The following HK1 variants were observed in gnomAD, a reference collection of about 807,000 sequenced individuals.
HK1 encodes the protein hexokinase-1.
In HK1, 28 loss-of-function variants were observed where a neutral mutation model predicts 91.6. The observed-to-expected ratio is 0.31, with a 90% CI of 0.23 to 0.42. The LOEUF is 0.42. HK1 is among the 10% of genes least tolerant of loss of function. The pLI is 1.00. For synonymous variants in HK1, 430 were observed against 468.1 expected (o/e 0.92, Z 1.05); for missense variants, 770 against 1,219.8 (o/e 0.63, Z 5.49).
At chr10:69,377,197 T>C (rs558180720) in intron 8 of HK1, 108 bp downstream of exon 8, 41 of 1,325,146 alleles carry the variant, frequency 3.1e-5, no homozygotes, top group East Asian at 1.2e-4. Flanking sequence ...TTCAAGAGTG[T>C]CATGGCTTTC....
chr10:69,299,420 T>C lies in HK1; in HGVS notation c.-66-1349T>C, dbSNP rs1045876709. 1.1e-4 allele frequency among the ~76,000 whole-genome samples: 16 copies of C among 151,562 alleles called. 1 individual carries two copies. Among genetic ancestry groups the C allele is most frequent in the African/African-American group, 3.9e-4 (16 of 40,958 alleles). On this transcript the variant is annotated intron_variant, in intron 4 of 21. Coordinates refer to the HK1 transcript ENST00000360289. Reference sequence around the variant, plus strand: ...TCTCTCTCTGTTGCCCAGGCTGGAGTGCAATGGCGTGATCTCGGCTCCTGC... The same window carrying C: ...TCTCTCTCTGTTGCCCAGGCTGGAGCGCAATGGCGTGATCTCGGCTCCTGC...
At chr10:69,350,505 T>C (rs181656834) in intron 2 of HK1, among the ~76,000 whole-genome samples, 6 of 150,952 alleles carry the variant, frequency 4.0e-5, no homozygotes, top group Non-Finnish European at 8.9e-5. Context: ...TACTAAAAAA[T>C]ACAAAAATTA....
chr10:69,301,027 A>G (rs1022748160), intron 5 of HK1, among the ~76,000 whole-genome samples: 9 of 151,922 alleles, frequency 5.9e-5, no homozygotes, highest in Non-Finnish European at 1.2e-4. Flanking sequence ...GGTGGATCAC[A>G]AGGTCAGGAG....
chr10:69,382,875 G>A lies in HK1; in HGVS notation c.1570+84G>A, dbSNP rs939012831. On this transcript the variant is annotated intron_variant, in intron 10 of 17. Transcript: ENST00000359426. The stretch of plus-strand genomic sequence containing the variant: ...GTGGGGGAGGTTGGATTCGCCAGTG[G>A]ATGCCTTCACACTGGTGATGCACGA... 5.9e-6 allele frequency: 8 copies of A among 1,351,028 alleles called. No individual in the cohort carries two copies. The African/African-American group carries it at 1.1e-4, about 19-fold the overall frequency. The allele number at this position is 1,351,028 out of a possible 1,614,324, so 83.7% of individuals were successfully genotyped here. A position where few individuals can be genotyped will look rare whatever the true frequency, so the allele number is the denominator to read the frequency against.
At chr10:69,372,826 G>C (rs967298088) in intron 7 of HK1, among the ~76,000 whole-genome samples, 5 of 152,032 alleles carry the variant, frequency 3.3e-5, no homozygotes, top group Admixed American at 6.6e-5. Context: ...TATTGTAAAA[G>C]CTCCCTGGGC....
At chr10:69,325,897 C>T (rs372881258) in intron 1 of HK1, among the ~76,000 whole-genome samples, 3 of 150,488 alleles carry the variant, frequency 2.0e-5, no homozygotes, top group Non-Finnish European at 1.5e-5. Context: ...TACAGTAGCA[C>T]GATCTCACCT....
intron 17 of HK1, 94 bp downstream of exon 17, chr10:69,398,922 T>C (rs1487639009): frequency 2.2e-6 from 2 of 926,244 alleles, no homozygotes; most frequent in Non-Finnish European, 1.7e-6. Context: ...GGAAATGCCC[T>C]GCGGGAGCCC....
chr10:69,365,481 G>A (rs1410912642), intron 4 of HK1, among the ~76,000 whole-genome samples: 1 of 152,140 alleles, frequency 6.6e-6, no homozygotes, highest in African/African-American at 2.4e-5. Context: ...CAGCACTGCA[G>A]GAATACAAAA....
rs1230313417 is a variant in HK1 at position 69,369,361 on chromosome 10, C to A, written c.691+25C>A. On this transcript the variant is annotated intron_variant, in intron 6 of 17. Transcript: ENST00000359426. This position sits in a 1 kb window ranked among gnomAD's most constrained non-coding sequence, Gnocchi z 4.4. Reference sequence around the variant, plus strand: ...GGTAATGCATTCCCCTTTGCCCATCCATTTGTTCGGCCCATCTTTCCAGGT... The same window carrying A: ...GGTAATGCATTCCCCTTTGCCCATCAATTTGTTCGGCCCATCTTTCCAGGT... 1 of 1,613,294 alleles carries A rather than the reference C, an allele frequency of 6.2e-7. No individual in the cohort carries two copies. Among genetic ancestry groups the A allele is most frequent in the South Asian group, 1.1e-5 (1 of 91,070 alleles).
In HK1 at chr10:69,339,790, A is replaced by G. The variant is rs181033686; in HGVS notation, c.64-4037A>G. Among the ~76,000 whole-genome samples the G allele has an allele frequency of 1.9e-3, 288 of 152,330 alleles. 1 individual carries two copies. Among genetic ancestry groups the G allele is most frequent in the African/African-American group, 6.7e-3 (278 of 41,572 alleles). ...TACTTGGATCTGCCTTCTGCAGAGC[A>G]GGGGACCAGTCTTTCTTAAGGGGCA... On this transcript the variant is annotated intron_variant, in intron 1 of 17. Coordinates refer to ENST00000359426, the MANE Select transcript of HK1 (RefSeq NM_000188.3).
At chr10:69,325,453 G>A (rs1847291616) in intron 1 of HK1, among the ~76,000 whole-genome samples, 3 of 151,420 alleles carry the variant, frequency 2.0e-5, no homozygotes, top group African/African-American at 4.9e-5. Flanking sequence ...TGTCTCCTGG[G>A]TTCAAGCGAT....
At chr10:69,387,920 A>G (rs1839721473) in intron 13 of HK1, among the ~76,000 whole-genome samples, 1 of 152,136 alleles carries the variant, frequency 6.6e-6, no homozygotes, top group African/African-American at 2.4e-5. Flanking sequence ...TGAGCAAAGT[A>G]AGAACTTTAA....
intron 4 of HK1, among the ~76,000 whole-genome samples, chr10:69,367,655 G>C (rs916477118): frequency 7.2e-5 from 11 of 152,136 alleles, no homozygotes; most frequent in African/African-American, 2.7e-4. Flanking sequence ...CCCACCGTGA[G>C]CTGGGGCGGG....
intron 1 of HK1, among the ~76,000 whole-genome samples, chr10:69,321,476 C>A (rs1346732286): frequency 6.6e-6 from 1 of 152,198 alleles, no homozygotes; most frequent in African/African-American, 2.4e-5. Context: ...CCAGCAGGGA[C>A]CTGCTGAGGA....
intron 5 of HK1, chr10:69,300,865 C>G: frequency 6.8e-7 from 1 of 1,460,566 alleles, no homozygotes; most frequent in Non-Finnish European, 9.6e-7. Context: ...TGATTTTGTA[C>G]GTAGAAAATC....
chr10:69,300,585 A>C, intron 4 of HK1: 1 of 700,708 alleles, frequency 1.4e-6, no homozygotes, highest in Non-Finnish European at 2.6e-6. Context: ...TTGCACATCA[A>C]ATCTGGGGCT....
At chr10:69,346,805 G>C (rs1282640205) in intron 2 of HK1, among the ~76,000 whole-genome samples, 1 of 151,660 alleles carries the variant, frequency 6.6e-6, no homozygotes, top group Non-Finnish European at 1.5e-5. Flanking sequence ...GGAAAATATT[G>C]AAGCCTCTTA....
rs1336583944 is a variant in HK1 at position 69,300,889 on chromosome 10, A to G, written c.27+28A>G. The G allele has an allele frequency of 5.4e-6, 6 of 1,119,736 alleles. No individual in the cohort carries two copies. The Admixed American group carries it at 1.1e-4, about 21-fold the overall frequency. 69.4% of individuals were successfully genotyped at this position (1,119,736 alleles called of 1,614,324 possible). The stretch of plus-strand genomic sequence containing the variant: ...ACGTAGAAAATCCTGGAATACCCAC[A>G]AAAACCTATTAGAACTAATAAACAA... On this transcript the variant is annotated intron_variant, in intron 5 of 21. Coordinates refer to the HK1 transcript ENST00000360289.
At chr10:69,282,682 G>C (rs1249540355) in exon 2 of HK1, 1 of 152,162 alleles carries the variant, frequency 6.6e-6, no homozygotes, top group Non-Finnish European at 1.5e-5. Context: ...ATGAGAGTGA[G>C]CCCAAATGAA....
Sources: allele counts gnomAD v4.1 joint callset (sites outside exome capture counted in the v4.1 genomes callset), GRCh38; gene constraint gnomAD v4.1.1; non-coding constraint Gnocchi (gnomAD v3.1); transcripts MANE v1.5; gene names NCBI Gene and HGNC (gene_info 2026-07-23, HGNC 2026-07-21).